The following POU6F2 variants were observed in gnomAD, a reference collection of about 807,000 sequenced individuals.
POU6F2 encodes the protein POU class 6 homeobox 2.
Under a neutral mutation model 71.3 loss-of-function variants are expected in POU6F2, and 31 were observed. The observed-to-expected ratio is 0.43, with a 90% CI of 0.33 to 0.59. The LOEUF (loss-of-function observed/expected upper bound fraction) is 0.59, where lower values mean the gene tolerates loss of function less well. Ranked by LOEUF, POU6F2 falls within the 20% of genes least tolerant of loss-of-function variation. POU6F2 has a pLI of 0.04. For missense variants in POU6F2, 783 were observed against 856.8 expected, an observed-to-expected ratio of 0.91 and a Z score of 1.07; for synonymous variants, 347 against 355.7, an observed-to-expected ratio of 0.98 and a Z score of 0.27.
intron 4 of POU6F2, among the ~76,000 whole-genome samples, chr7:39,307,439 A>G (rs1165190863): frequency 1.3e-5 from 2 of 152,246 alleles, no homozygotes; most frequent in African/African-American, 4.8e-5. Context: ...ACTCGATAAT[A>G]TTTCCTAAGT....
chr7:39,021,186 T>G (rs1433316535), intron 1 of POU6F2, among the ~76,000 whole-genome samples: 2 of 152,004 alleles, frequency 1.3e-5, no homozygotes, highest in African/African-American at 4.8e-5. Context: ...GTTTGGTATA[T>G]GCTTACAATG....
At chr7:39,260,834 A>T (rs528112571) in intron 4 of POU6F2, among the ~76,000 whole-genome samples, 1 of 151,914 alleles carries the variant, frequency 6.6e-6, no homozygotes. Context: ...CATACCACAG[A>T]CACACACAAT....
chr7:39,082,444 C>G (rs1404308258), intron 1 of POU6F2, among the ~76,000 whole-genome samples: 1 of 152,212 alleles, frequency 6.6e-6, no homozygotes, highest in African/African-American at 2.4e-5. Flanking sequence ...TATTTTACTT[C>G]TCACCTGCAC....
chr7:39,160,877 C>A (rs1274140438), intron 2 of POU6F2, among the ~76,000 whole-genome samples: 1 of 152,052 alleles, frequency 6.6e-6, no homozygotes, highest in Non-Finnish European at 1.5e-5. Context: ...GAGAGCATTA[C>A]CTTTTTTTGG....
chr7:39,025,441 G>C (rs1789778165), intron 1 of POU6F2, among the ~76,000 whole-genome samples: 1 of 152,082 alleles, frequency 6.6e-6, no homozygotes, highest in Non-Finnish European at 1.5e-5. Context: ...CAGAAATAAA[G>C]CCGCATATCT....
Position 39,467,074 on chromosome 7 carries a change from C to G in POU6F2, c.*2388C>G, listed in dbSNP as rs1476854829. ...GAGATCTATAATTGGGAGGGTCTAA[C>G]TAGGACAGGGAAAATATAAAATAAA... On this transcript the variant is annotated 3_prime_UTR_variant, in exon 10 of 10. Coordinates refer to ENST00000518318, the MANE Select transcript of POU6F2 (RefSeq NM_001370959.1). The G allele has an allele frequency of 6.6e-6, 1 of 152,064 alleles. No individual in the cohort carries two copies. The highest frequency in any genetic ancestry group is 2.4e-5 in the African/African-American group (1 of 41,376). The allele number at this position is 152,064 out of a possible 1,614,324, so 9.4% of individuals were successfully genotyped here. A position where few individuals can be genotyped will look rare whatever the true frequency, so the allele number is the denominator to read the frequency against.
chr7:39,399,164 T>A (rs1322292177), intron 5 of POU6F2, among the ~76,000 whole-genome samples: 1 of 152,042 alleles, frequency 6.6e-6, no homozygotes, highest in Non-Finnish European at 1.5e-5. Flanking sequence ...TGCCGCCCCC[T>A]CCAGGTCTGG....
chr7:39,412,817 T>G (rs907214535), intron 6 of POU6F2, among the ~76,000 whole-genome samples: 4 of 105,882 alleles, frequency 3.8e-5, no homozygotes, highest in Admixed American at 1.0e-4. Flanking sequence ...TTTTTTTTTT[T>G]TTGAGACGGA....
At chr7:38,989,321 A>G (rs1788539993) in intron 1 of POU6F2, among the ~76,000 whole-genome samples, 1 of 151,862 alleles carries the variant, frequency 6.6e-6, no homozygotes, top group Non-Finnish European at 1.5e-5. Flanking sequence ...AAATTCTCTG[A>G]ATAAATAAAT....
At chr7:39,415,181 G>A (rs1303916914) in intron 6 of POU6F2, among the ~76,000 whole-genome samples, 1 of 151,808 alleles carries the variant, frequency 6.6e-6, no homozygotes, top group Non-Finnish European at 1.5e-5. Flanking sequence ...ACACCACCAC[G>A]CCCAGCTAAT....
chr7:39,069,060 A>T (rs949928151), intron 1 of POU6F2, among the ~76,000 whole-genome samples: 5 of 152,180 alleles, frequency 3.3e-5, no homozygotes, highest in Non-Finnish European at 7.4e-5. Context: ...TACAGAATAT[A>T]GAACCTCTGC....
At chr7:39,226,703 C>T (rs903206914) in intron 4 of POU6F2, among the ~76,000 whole-genome samples, 1 of 152,160 alleles carries the variant, frequency 6.6e-6, no homozygotes, top group Admixed American at 6.5e-5. Context: ...GTAGGTCATT[C>T]AGAAGTTGCC....
intron 5 of POU6F2, among the ~76,000 whole-genome samples, chr7:39,374,746 G>T (rs1444954201): frequency 1.3e-5 from 2 of 152,304 alleles, no homozygotes; most frequent in Middle Eastern, 3.4e-3. Flanking sequence ...ATGGCATTTT[G>T]ATGTACATGC....
At chr7:39,279,908 A>G (rs916346143) in intron 4 of POU6F2, among the ~76,000 whole-genome samples, 3 of 152,002 alleles carry the variant, frequency 2.0e-5, no homozygotes, top group Non-Finnish European at 4.4e-5. Flanking sequence ...CACTACGCCC[A>G]GATAAGTTTT....
intron 2 of POU6F2, among the ~76,000 whole-genome samples, chr7:39,110,722 T>C (rs1791790516): frequency 6.6e-6 from 1 of 152,220 alleles, no homozygotes; most frequent in Non-Finnish European, 1.5e-5. Flanking sequence ...TGTTATATAA[T>C]TCTTCAAGGA....
intron 2 of POU6F2, among the ~76,000 whole-genome samples, chr7:39,109,107 G>A (rs918502483): frequency 1.3e-5 from 2 of 152,268 alleles, no homozygotes; most frequent in African/African-American, 4.8e-5. Context: ...GTGCAGTGGT[G>A]TGATCATGAC....
intron 2 of POU6F2, among the ~76,000 whole-genome samples, chr7:39,124,515 C>T (rs749723626): frequency 3.3e-5 from 5 of 152,162 alleles, no homozygotes; most frequent in African/African-American, 4.8e-5. Flanking sequence ...TAGCTGTTTT[C>T]GCTTAGGTGA....
intron 2 of POU6F2, among the ~76,000 whole-genome samples, chr7:39,150,527 T>C (rs1292116752): frequency 4.0e-5 from 6 of 148,400 alleles, no homozygotes; most frequent in African/African-American, 1.5e-4. Flanking sequence ...ACTGCAGTTG[T>C]GTGATCTCGG....
chr7:39,161,056 G>C (rs1792985158), intron 2 of POU6F2, among the ~76,000 whole-genome samples: 1 of 152,178 alleles, frequency 6.6e-6, no homozygotes, highest in African/African-American at 2.4e-5. Context: ...CAGACTATCA[G>C]AACTGTGAGA....
Sources: allele counts gnomAD v4.1 joint callset (sites outside exome capture counted in the v4.1 genomes callset), GRCh38; gene constraint gnomAD v4.1.1; transcripts MANE v1.5; gene names NCBI Gene and HGNC (gene_info 2026-07-23, HGNC 2026-07-21).